Variants in A2ML1 observed in about 807,000 individuals in gnomAD.
The protein encoded by A2ML1 is alpha-2-macroglobulin-like protein 1.
A2ML1 carries 161 observed loss-of-function variants against 181.9 expected under a neutral mutation model. The ratio of observed to expected loss-of-function variants is 0.89; its 90% CI spans 0.78 to 1.01. The LOEUF (loss-of-function observed/expected upper bound fraction) is 1.01, where lower values mean the gene tolerates loss of function less well. Ranked by LOEUF, A2ML1 falls within the 50% of genes least tolerant of loss-of-function variation. The pLI is 0.00. For synonymous variants in A2ML1, 663 were observed against 666.8 expected (o/e 0.99, Z 0.09); for missense variants, 1,670 against 1,768.1 (o/e 0.94, Z 1.00).
chr12:8,832,776 G>C (rs1197283584), intron 4 of A2ML1, among the ~76,000 whole-genome samples: 1 of 152,160 alleles, frequency 6.6e-6, no homozygotes. Flanking sequence ...TTAGAAGCAA[G>C]ATAGCGTTGG....
At chr12:8,860,983 T>C in intron 27 of A2ML1, 28 bp downstream of exon 27, 1 of 1,613,396 alleles carries the variant, frequency 6.2e-7, no homozygotes, top group Non-Finnish European at 8.5e-7. Context: ...CTGCTCTTGA[T>C]ACCCTCCTTC....
chr12:8,852,865 T>C lies in A2ML1; in HGVS notation c.2590+529T>C, dbSNP rs1251969450. Among the ~76,000 whole-genome samples, 1 of 151,972 alleles carries C rather than the reference T, an allele frequency of 6.6e-6. No individual in the cohort carries two copies. Among genetic ancestry groups the C allele is most frequent in the Non-Finnish European group, 1.5e-5 (1 of 68,002 alleles). ...CGCGTGCCACCCTACCCGGCTAATT[T>C]TTGTACTTTTAGTAGAGGTGGGGTT... On this transcript the variant is annotated intron_variant, in intron 20 of 35. Transcript: ENST00000299698. The surrounding 1 kb of genome is among the most constrained non-coding windows in gnomAD (Gnocchi z 4.2).
intron 33 of A2ML1, among the ~76,000 whole-genome samples, chr12:8,872,861 G>C (rs2136987792): frequency 6.6e-6 from 1 of 151,750 alleles, no homozygotes; most frequent in South Asian, 2.1e-4. Context: ...ACATTGTTTT[G>C]CATTTTTGCT....
intron 3 of A2ML1, among the ~76,000 whole-genome samples, chr12:8,828,243 G>C (rs1193164353): frequency 1.3e-5 from 2 of 152,184 alleles, no homozygotes; most frequent in African/African-American, 4.8e-5. Flanking sequence ...CTGCGAGCCA[G>C]GGCCTGGAGT....
chr12:8,844,840 C>T (rs1387318585), intron 12 of A2ML1: 3 of 319,472 alleles, frequency 9.4e-6, no homozygotes, highest in Non-Finnish European at 1.5e-5. Context: ...GGCCGAGCCA[C>T]GTGGAATGGC....
chr12:8,825,964 C>T (rs1942916527), intron 3 of A2ML1, among the ~76,000 whole-genome samples: 1 of 152,180 alleles, frequency 6.6e-6, no homozygotes, highest in Non-Finnish European at 1.5e-5. Context: ...GTTTTTATGA[C>T]AGTACCATGC....
intron 9 of A2ML1, among the ~76,000 whole-genome samples, chr12:8,838,785 G>A (rs911459114): frequency 2.6e-5 from 4 of 151,868 alleles, no homozygotes; most frequent in Non-Finnish European, 4.4e-5. Context: ...GGTGACGGGG[G>A]CGCCTGTAGT....
chr12:8,849,052 T>A lies in A2ML1; in HGVS notation c.2028+138T>A, dbSNP rs1171078038. ...AATCTTGAAAGAAGCTTCTGACGTG[T>A]AAGGTCGCCTCTGTTGGCCCTTATG... On this transcript the variant is annotated intron_variant, in intron 16 of 35. Transcript: ENST00000299698. 6.5e-6 allele frequency: 6 copies of A among 924,080 alleles called. No individual in the cohort carries two copies. The East Asian group carries it at 1.3e-4, about 20-fold the overall frequency. 57.2% of individuals were successfully genotyped at this position (924,080 alleles called of 1,614,324 possible). A position where few individuals can be genotyped will look rare whatever the true frequency, so the allele number is the denominator to read the frequency against.
intron 10 of A2ML1, 100 bp downstream of exon 10, chr12:8,839,322 C>A: frequency 1.4e-6 from 1 of 728,388 alleles, no homozygotes; most frequent in Non-Finnish European, 2.3e-6. Context: ...AGTGCTGTTC[C>A]AAGTACTTTA....
intron 10 of A2ML1, among the ~76,000 whole-genome samples, chr12:8,840,176 A>G (rs1943420522): frequency 6.6e-6 from 1 of 151,992 alleles, no homozygotes; most frequent in African/African-American, 2.4e-5. Flanking sequence ...CCTGGCCAAC[A>G]TGGCGAAAAC....
chr12:8,836,481 C>CTTTT (rs751110394), intron 7 of A2ML1, 142 bp downstream of exon 7: 14 of 390,326 alleles, frequency 3.6e-5, no homozygotes, highest in South Asian at 1.7e-4. Flanking sequence ...TATCCAAGAC[C>CTTTT]TTTTTTTTTT....
intron 35 of A2ML1, 91 bp downstream of exon 35, chr12:8,875,103 T>C (rs1944760270): frequency 2.1e-6 from 3 of 1,420,248 alleles, no homozygotes; most frequent in Admixed American, 3.5e-5. Context: ...TTGTCTTTTT[T>C]TGAGATAGAG....
chr12:8,854,021 GT>G (rs1225041333), intron 20 of A2ML1, 106 bp from the exon 21 acceptor site: 2 of 1,385,340 alleles, frequency 1.4e-6, no homozygotes, highest in Non-Finnish European at 1.9e-6. Context: ...AGTTTGCACT[GT>G]TGCAAGATCC....
intron 23 of A2ML1, among the ~76,000 whole-genome samples, chr12:8,856,898 C>CTTTTTTTTTTTTTTT (rs71891886): frequency 2.4e-5 from 3 of 124,970 alleles, no homozygotes; most frequent in Non-Finnish European, 3.2e-5. Flanking sequence ...ACAGTAGGTA[C>CTTTTTTTTTTTTTTT]TTTTTTTTTT....
Position 8,852,238 on chromosome 12 carries a change from A to G in A2ML1, c.2492A>G (p.Glu831Gly). ...RVQTDLAKSH[E>G]YQLESWADSQ... Reference sequence around the variant, plus strand: ...CAGACTGACCTGGCTAAATCGCATGAGTACCAGCTAGAATCATGGGCAGAT... The same window carrying G: ...CAGACTGACCTGGCTAAATCGCATGGGTACCAGCTAGAATCATGGGCAGAT... Residue 831 changes from glutamate (E) to glycine (G), a missense_variant, in exon 20 of 36, where the codon GAG (glutamate) becomes GGG (glycine). Glu to Gly is a moderately conservative substitution (Grantham distance 98, BLOSUM62 -2). Coordinates refer to ENST00000299698, the MANE Select transcript of A2ML1 (RefSeq NM_144670.6). The surrounding 1 kb of genome is among the most constrained non-coding windows in gnomAD (Gnocchi z 4.2). 1 of 1,614,168 alleles carries G rather than the reference A, an allele frequency of 6.2e-7. No individual in the cohort carries two copies. The highest frequency in any genetic ancestry group is 1.1e-5 in the South Asian group (1 of 91,080).
chr12:8,872,611 C>A (rs953009762), intron 33 of A2ML1, among the ~76,000 whole-genome samples: 1 of 151,780 alleles, frequency 6.6e-6, no homozygotes, highest in Non-Finnish European at 1.5e-5. Context: ...GAAACCCCAT[C>A]CATCTCTACT....
chr12:8,869,108 T>A, intron 32 of A2ML1, 27 bp from the exon 33 acceptor site: 2 of 1,612,358 alleles, frequency 1.2e-6, no homozygotes, highest in Non-Finnish European at 1.7e-6. Flanking sequence ...GCTCTTAGTA[T>A]CTTTTTTTTC....
At chr12:8,863,002 T>C (rs939434608) in intron 28 of A2ML1, among the ~76,000 whole-genome samples, 3 of 152,214 alleles carry the variant, frequency 2.0e-5, no homozygotes, top group Non-Finnish European at 4.4e-5. Flanking sequence ...TGGACTGCCT[T>C]CTAAGCATGT....
intron 14 of A2ML1, 23 bp from the exon 15 acceptor site, chr12:8,847,526 A>C: frequency 1.9e-6 from 3 of 1,595,872 alleles, no homozygotes; most frequent in Non-Finnish European, 2.6e-6. Flanking sequence ...CTGATCCCCA[A>C]GTTATACCTT....
Sources: allele counts gnomAD v4.1 joint callset (sites outside exome capture counted in the v4.1 genomes callset), GRCh38; gene constraint gnomAD v4.1.1; non-coding constraint Gnocchi (gnomAD v3.1); transcripts MANE v1.5; gene names NCBI Gene and HGNC (gene_info 2026-07-23, HGNC 2026-07-21).